LRBA: variants seen among roughly 807,000 people sequenced by gnomAD.
The protein encoded by LRBA is lipopolysaccharide-responsive and beige-like anchor protein.
Under a neutral mutation model 330.0 loss-of-function variants are expected in LRBA, and 176 were observed. The observed-to-expected ratio is 0.53, with a 90% CI of 0.47 to 0.60. The LOEUF (loss-of-function observed/expected upper bound fraction) is 0.60. LRBA is among the 20% of genes least tolerant of loss of function. The pLI is 0.00. For synonymous variants in LRBA, 1,230 were observed against 1,193.0 expected (o/e 1.03, Z -0.64); for missense variants, 3,259 against 3,444.8 (o/e 0.95, Z 1.35).
intron 51 of LRBA, among the ~76,000 whole-genome samples, chr4:150,313,127 A>G (rs1219647617): frequency 6.6e-6 from 1 of 152,146 alleles, no homozygotes. Context: ...GCTGAAAAGC[A>G]TAATAGGGTA....
Position 150,852,285 on chromosome 4 carries a change from C to A in LRBA, c.3425G>T (p.Gly1142Val). 6.2e-7 allele frequency: 1 copy of A among 1,614,098 alleles called. No individual in the cohort carries two copies. Among genetic ancestry groups the A allele is most frequent in the Non-Finnish European group, 8.5e-7 (1 of 1,180,018 alleles). ...NSLSPAASEA[G>V]EKLDMFGNDD... ...ATTACCAAACATGTCCAGTTTTTCA[C>A]CGGCTTCAGATGCAGCTGGAGACAA... is the stretch of plus-strand genomic sequence containing the variant. The change falls in exon 23 of 57, where the codon GGT becomes GTT. Residue 1142 changes from glycine (G) to valine (V), a missense_variant. Physicochemically the swap from Gly to Val is moderately radical, Grantham distance 109. Transcript: ENST00000651943.
intron 34 of LRBA, among the ~76,000 whole-genome samples, chr4:150,793,520 C>T (rs1335610896): frequency 3.3e-5 from 5 of 152,008 alleles, no homozygotes; most frequent in African/African-American, 1.2e-4. Flanking sequence ...ACTTATGATC[C>T]ATGTTACCAT....
intron 38 of LRBA, among the ~76,000 whole-genome samples, chr4:150,596,140 C>G (rs1246862554): frequency 8.6e-5 from 13 of 151,694 alleles, no homozygotes; most frequent in Admixed American, 7.9e-4. Flanking sequence ...GAAAAATTAC[C>G]TAAAGCTTTT....
At chr4:150,567,339 T>C (rs1024317795) in intron 40 of LRBA, among the ~76,000 whole-genome samples, 2 of 152,066 alleles carry the variant, frequency 1.3e-5, no homozygotes, top group African/African-American at 4.8e-5. Flanking sequence ...TGGAGCTTCT[T>C]GTGAAAACAA....
chr4:150,650,224 C>T (rs1231663425), intron 37 of LRBA, among the ~76,000 whole-genome samples: 9 of 152,078 alleles, frequency 5.9e-5, no homozygotes, highest in Non-Finnish European at 1.2e-4. Flanking sequence ...ACAGCTTAAG[C>T]TTGAAAGAAA....
At chr4:150,556,370 A>G (rs1451033611) in intron 40 of LRBA, among the ~76,000 whole-genome samples, 4 of 152,234 alleles carry the variant, frequency 2.6e-5, no homozygotes, top group Admixed American at 2.0e-4. Flanking sequence ...ATATTCAAAC[A>G]TTTGATTATA....
In LRBA at chr4:150,808,196, T is replaced by A. The variant is rs1743083653; in HGVS notation, c.5384+124A>T. 1.1e-5 allele frequency: 7 copies of A among 636,564 alleles called. No homozygotes were observed. In the South Asian group the frequency reaches 1.5e-4, roughly 14 times the overall value. 39.4% of individuals were successfully genotyped at this position (636,564 alleles called of 1,614,324 possible). A position where few individuals can be genotyped will look rare whatever the true frequency, so the allele number is the denominator to read the frequency against. The stretch of plus-strand genomic sequence containing the variant: ...TCTAAAATGTTCCCAAGCCTCTAAA[T>A]GTCATATATGTTGAAAGAAAGAAAT... On this transcript the variant is annotated intron_variant, in intron 32 of 56. Transcript: ENST00000651943.
intron 48 of LRBA, among the ~76,000 whole-genome samples, chr4:150,327,500 C>T (rs1402009515): frequency 6.6e-6 from 1 of 152,116 alleles, no homozygotes; most frequent in East Asian, 1.9e-4. Flanking sequence ...GCCCGGCAGC[C>T]CACATGCCTC....
chr4:150,517,542 G>A (rs936197094), intron 40 of LRBA, among the ~76,000 whole-genome samples: 1 of 151,796 alleles, frequency 6.6e-6, no homozygotes, highest in Non-Finnish European at 1.5e-5. Flanking sequence ...TAAATAGAAG[G>A]TGTTCTGGGG....
At chr4:150,483,187 G>T (rs867492763) in intron 42 of LRBA, among the ~76,000 whole-genome samples, 1 of 151,674 alleles carries the variant, frequency 6.6e-6, no homozygotes, top group Non-Finnish European at 1.5e-5. Context: ...TAAGGGGTGA[G>T]GTTCTTTTTC....
chr4:150,869,032 GCA>G (rs1753090314), intron 20 of LRBA, among the ~76,000 whole-genome samples: 5 of 152,016 alleles, frequency 3.3e-5, no homozygotes, highest in Admixed American at 3.3e-4. Flanking sequence ...TTTATGGTAT[GCA>G]CACACAGTCT....
intron 40 of LRBA, among the ~76,000 whole-genome samples, chr4:150,553,867 C>G (rs1273299935): frequency 2.0e-5 from 3 of 152,096 alleles, no homozygotes; most frequent in Admixed American, 6.6e-5. Flanking sequence ...CTTTTATTAG[C>G]CCAAAGAGAT....
chr4:150,748,338 G>A (rs933840730), intron 35 of LRBA, among the ~76,000 whole-genome samples: 1 of 152,110 alleles, frequency 6.6e-6, no homozygotes, highest in African/African-American at 2.4e-5. Flanking sequence ...AAGAATGTAA[G>A]CCATGGTGTT....
chr4:150,471,943 A>G (rs1233658312), intron 42 of LRBA, among the ~76,000 whole-genome samples: 2 of 152,066 alleles, frequency 1.3e-5, no homozygotes, highest in Non-Finnish European at 2.9e-5. Context: ...TACATGTTGT[A>G]TTCATTCAGG....
At chr4:150,482,963 G>T (rs1281617900) in intron 42 of LRBA, among the ~76,000 whole-genome samples, 2 of 151,748 alleles carry the variant, frequency 1.3e-5, no homozygotes, top group Admixed American at 6.6e-5. Context: ...ATCCAGTCTG[G>T]CGTATATTTT....
chr4:150,464,983 T>C (rs1209047978), intron 44 of LRBA, among the ~76,000 whole-genome samples: 1 of 152,076 alleles, frequency 6.6e-6, no homozygotes, highest in African/African-American at 2.4e-5. Flanking sequence ...ATCACCACTA[T>C]CCATCTTGAG....
chr4:150,848,696 C>T lies in LRBA; in HGVS notation c.4339+122G>A, dbSNP rs1022187105. On this transcript the variant is annotated intron_variant, in intron 26 of 56. Coordinates refer to ENST00000651943, the MANE Select transcript of LRBA (RefSeq NM_001364905.1). Reference sequence around the variant, plus strand: ...CTACTATGTACATTAAAAAAAGTAACCATATGACAAATTAGCTAACATATA... The same window carrying T: ...CTACTATGTACATTAAAAAAAGTAATCATATGACAAATTAGCTAACATATA... 6 of 744,776 alleles carry T rather than the reference C, an allele frequency of 8.1e-6. No homozygotes were observed. In the South Asian group the frequency reaches 1.2e-4, roughly 15 times the overall value. The allele number at this position is 744,776 out of a possible 1,614,324, so 46.1% of individuals were successfully genotyped here. A position where few individuals can be genotyped will look rare whatever the true frequency, so the allele number is the denominator to read the frequency against.
chr4:150,371,261 C>G (rs1024832159), intron 47 of LRBA, among the ~76,000 whole-genome samples: 1 of 144,346 alleles, frequency 6.9e-6, no homozygotes. Context: ...GGCGTGATCC[C>G]GGCTCACTCC....
intron 37 of LRBA, among the ~76,000 whole-genome samples, chr4:150,638,044 G>C (rs987027221): frequency 6.6e-6 from 1 of 151,748 alleles, no homozygotes; most frequent in South Asian, 2.1e-4. Flanking sequence ...GGGCATACTA[G>C]CATCCTACAT....
Sources: allele counts gnomAD v4.1 joint callset (sites outside exome capture counted in the v4.1 genomes callset), GRCh38; gene constraint gnomAD v4.1.1; transcripts MANE v1.5; gene names NCBI Gene and HGNC (gene_info 2026-07-23, HGNC 2026-07-21).